Variants in PATJ observed in about 807,000 individuals in gnomAD.
PATJ encodes inaD-like protein.
PATJ carries 190 observed loss-of-function variants against 224.9 expected under a neutral mutation model. The ratio of observed to expected loss-of-function variants is 0.84; its 90% CI spans 0.75 to 0.95. PATJ has a LOEUF of 0.95. PATJ is among the 40% of genes least tolerant of loss of function. The pLI is 0.00. For missense variants in PATJ, 2,121 were observed against 2,270.3 expected, an observed-to-expected ratio of 0.93 and a Z score of 1.34; for synonymous variants, 769 against 820.3, an observed-to-expected ratio of 0.94 and a Z score of 1.07.
chr1:62,042,691 G>C (rs1651754144), intron 30 of PATJ, among the ~76,000 whole-genome samples: 1 of 152,130 alleles, frequency 6.6e-6, no homozygotes, highest in Non-Finnish European at 1.5e-5. Flanking sequence ...CTGTAGCCCA[G>C]GCTAGAGTTC....
intron 26 of PATJ, among the ~76,000 whole-genome samples, chr1:61,915,036 T>TC (rs1418689131): frequency 6.6e-6 from 1 of 152,226 alleles, no homozygotes; most frequent in African/African-American, 2.4e-5. Context: ...TCCTTTTCAT[T>TC]CTTTAAGGAC....
At chr1:62,067,548 C>A (rs1482186131) in intron 31 of PATJ, among the ~76,000 whole-genome samples, 2 of 152,146 alleles carry the variant, frequency 1.3e-5, no homozygotes, top group Admixed American at 6.5e-5. Context: ...GTTAAACTAT[C>A]CACTAAATTC....
chr1:62,090,451 G>A (rs118106699), intron 33 of PATJ, among the ~76,000 whole-genome samples: 48 of 152,200 alleles, frequency 3.2e-4, no homozygotes, highest in East Asian at 2.1e-3. Flanking sequence ...AATATAGGAG[G>A]TAAACCAATG....
At chr1:62,068,686 C>T (rs1656892958) in intron 31 of PATJ, among the ~76,000 whole-genome samples, 1 of 152,182 alleles carries the variant, frequency 6.6e-6, no homozygotes, top group South Asian at 2.1e-4. Flanking sequence ...GACATGTCAC[C>T]CATCTGTTAT....
chr1:61,936,025 A>C lies in PATJ; in HGVS notation c.3670+8196A>C, dbSNP rs959543590. Among the ~76,000 whole-genome samples, 10 of 152,226 alleles carry C rather than the reference A, an allele frequency of 6.6e-5. No homozygotes were observed. The East Asian group carries it at 1.9e-3, about 29-fold the overall frequency. On this transcript the variant is annotated intron_variant, in intron 27 of 43. Transcript: ENST00000642238. ...TAAAAAAAATAACAACTTTATTGAG[A>C]TATAATTCACATACCATATAATTCA...
chr1:61,814,130 CT>C (rs762502160), intron 14 of PATJ, among the ~76,000 whole-genome samples: 59 of 85,914 alleles, frequency 6.9e-4, no homozygotes, highest in African/African-American at 1.4e-3. Context: ...TTATTCTCTT[CT>C]TTTTTTTTTT....
At chr1:61,875,504 C>A (rs926248503) in intron 21 of PATJ, 138 bp downstream of exon 21, 4 of 633,292 alleles carry the variant, frequency 6.3e-6, no homozygotes, top group Admixed American at 3.4e-5. Context: ...AATAATTAAT[C>A]TGCTTCAGAA....
At chr1:62,046,879 T>G (rs1652669422) in intron 30 of PATJ, among the ~76,000 whole-genome samples, 1 of 152,214 alleles carries the variant, frequency 6.6e-6, no homozygotes, top group Non-Finnish European at 1.5e-5. Flanking sequence ...TTGTTTCTAT[T>G]CACATCTTAA....
At chr1:61,760,766 G>A (rs116786480) in intron 1 of PATJ, among the ~76,000 whole-genome samples, 2,035 of 151,608 alleles carry the variant, frequency 0.013, 48 homozygotes, top group African/African-American at 0.047. Flanking sequence ...ATGGGTGAGT[G>A]CCACCACGCC....
At chr1:61,947,012 C>T (rs1678830962) in intron 27 of PATJ, among the ~76,000 whole-genome samples, 1 of 152,138 alleles carries the variant, frequency 6.6e-6, no homozygotes, top group Non-Finnish European at 1.5e-5. Context: ...TGACAAAATT[C>T]AACAGCCCTT....
At chr1:62,084,434 C>G in intron 32 of PATJ, 81 bp from the exon 33 acceptor site, 3 of 1,455,554 alleles carry the variant, frequency 2.1e-6, no homozygotes, top group Non-Finnish European at 2.8e-6. Context: ...CATGCAAGCC[C>G]CACACTCCCC....
At chr1:61,778,522 A>G (rs1012341453) in intron 7 of PATJ, among the ~76,000 whole-genome samples, 2 of 152,220 alleles carry the variant, frequency 1.3e-5, no homozygotes, top group East Asian at 1.9e-4. Context: ...TGAAAGGACT[A>G]TTATAATACC....
At chr1:62,071,642 C>T (rs1226769673) in intron 31 of PATJ, among the ~76,000 whole-genome samples, 1 of 151,900 alleles carries the variant, frequency 6.6e-6, no homozygotes, top group Non-Finnish European at 1.5e-5. Context: ...TACAGGCACC[C>T]AGCTAATTTT....
chr1:61,885,802 A>T (rs1668741669), intron 22 of PATJ, among the ~76,000 whole-genome samples: 1 of 151,938 alleles, frequency 6.6e-6, no homozygotes, highest in Non-Finnish European at 1.5e-5. Flanking sequence ...GATAGACTGG[A>T]TTAAGAAAAT....
chr1:61,771,345 T>TA, intron 5 of PATJ, 86 bp from the exon 6 acceptor site: 1 of 704,562 alleles, frequency 1.4e-6, no homozygotes. Context: ...AGTAGTACCA[T>TA]AGGCAACAAA....
chr1:61,748,315 C>T (rs1298007809), intron 1 of PATJ, among the ~76,000 whole-genome samples: 2 of 115,150 alleles, frequency 1.7e-5, no homozygotes, highest in African/African-American at 3.4e-5. Flanking sequence ...AGTGCAGTGG[C>T]TTGATCTCCG....
intron 18 of PATJ, among the ~76,000 whole-genome samples, chr1:61,860,487 T>G (rs1439318886): frequency 3.3e-5 from 5 of 152,184 alleles, no homozygotes; most frequent in Admixed American, 6.5e-5. Context: ...CGTGTCCTTG[T>G]GCCAGTTATT....
At chr1:61,926,767 A>G (rs1324307659) in intron 26 of PATJ, among the ~76,000 whole-genome samples, 1 of 152,180 alleles carries the variant, frequency 6.6e-6, no homozygotes, top group African/African-American at 2.4e-5. Context: ...TGACTCTCAA[A>G]TAGTATTTTC....
At chr1:62,060,703 G>A (rs915092727) in intron 31 of PATJ, among the ~76,000 whole-genome samples, 1 of 152,100 alleles carries the variant, frequency 6.6e-6, no homozygotes, top group African/African-American at 2.4e-5. Flanking sequence ...TGGAGACAGG[G>A]TCTTGCTCTG....
Sources: allele counts gnomAD v4.1 joint callset (sites outside exome capture counted in the v4.1 genomes callset), GRCh38; gene constraint gnomAD v4.1.1; transcripts MANE v1.5; gene names NCBI Gene and HGNC (gene_info 2026-07-23, HGNC 2026-07-21).